The following PKIB variants were observed in gnomAD, a reference collection of about 807,000 sequenced individuals.
PKIB encodes the protein PKI-beta.
Under a neutral mutation model 4.5 loss-of-function variants are expected in PKIB, and 2 were observed. That is an observed-to-expected ratio of 0.44 (90% CI 0.18 to 1.39). PKIB has a LOEUF of 1.39. PKIB is among the 40% of genes most tolerant of loss of function. The pLI, the probability that PKIB is intolerant of heterozygous loss-of-function variation, is 0.27. For synonymous variants in PKIB, 38 were observed against 36.0 expected (o/e 1.06, Z -0.20); for missense variants, 94 against 92.6 (o/e 1.02, Z -0.06).
intron 3 of PKIB, among the ~76,000 whole-genome samples, chr6:122,677,876 TTCCTTCCTTCCTTC>T (rs1367360827): frequency 2.7e-4 from 32 of 116,388 alleles, no homozygotes; most frequent in Middle Eastern, 4.3e-3. Context: ...CCTTCCTTCC[TTCCTTCCTTCCTTC>T]CTTTCTTTCT....
At chr6:122,648,030 T>G (rs1776395191) in intron 2 of PKIB, among the ~76,000 whole-genome samples, 1 of 152,194 alleles carries the variant, frequency 6.6e-6, no homozygotes, top group Non-Finnish European at 1.5e-5. Context: ...CATCCTTACC[T>G]CCACTGCGTG....
At chr6:122,620,371 A>G (rs140299414) in intron 1 of PKIB, among the ~76,000 whole-genome samples, 63 of 152,318 alleles carry the variant, frequency 4.1e-4, no homozygotes, top group Admixed American at 1.4e-3. Context: ...AAGAGAACCT[A>G]GTTAAAGAAG....
At chr6:122,560,968 T>C (rs1242176807) in intron 2 of PKIB, among the ~76,000 whole-genome samples, 1 of 152,082 alleles carries the variant, frequency 6.6e-6, no homozygotes, top group Non-Finnish European at 1.5e-5. Flanking sequence ...GTCTATCAAT[T>C]TTATTTATCT....
chr6:122,682,418 A>T (rs1777931997), intron 3 of PKIB, among the ~76,000 whole-genome samples: 1 of 152,132 alleles, frequency 6.6e-6, no homozygotes, highest in South Asian at 2.1e-4. Context: ...CATTATCTAA[A>T]TGTACATAGA....
chr6:122,522,323 C>T (rs568968412), intron 2 of PKIB, among the ~76,000 whole-genome samples: 1 of 152,236 alleles, frequency 6.6e-6, no homozygotes, highest in Non-Finnish European at 1.5e-5. Flanking sequence ...TGGGCTCTGT[C>T]GGGGTGGGAT....
intron 2 of PKIB, among the ~76,000 whole-genome samples, chr6:122,510,401 A>G (rs1776548288): frequency 6.6e-6 from 1 of 152,212 alleles, no homozygotes; most frequent in African/African-American, 2.4e-5. Flanking sequence ...CTGAGGCAAA[A>G]CTTTTCAATG....
intron 2 of PKIB, among the ~76,000 whole-genome samples, chr6:122,540,146 A>T (rs912179831): frequency 2.0e-5 from 3 of 151,860 alleles, no homozygotes; most frequent in African/African-American, 7.3e-5. Context: ...AGGATTCATT[A>T]ATTTTTTGAA....
intron 2 of PKIB, among the ~76,000 whole-genome samples, chr6:122,523,394 T>C (rs1167763014): frequency 6.6e-6 from 1 of 152,198 alleles, no homozygotes; most frequent in Non-Finnish European, 1.5e-5. Flanking sequence ...AATCTTGTCT[T>C]GAATTCTAGT....
upstream of PKIB, among the ~76,000 whole-genome samples, chr6:122,607,854 T>C (rs1162257780): frequency 1.3e-5 from 2 of 152,192 alleles, no homozygotes; most frequent in African/African-American, 2.4e-5. Flanking sequence ...CAGTCCTTGA[T>C]CCACTTACGT....
intron 3 of PKIB, among the ~76,000 whole-genome samples, chr6:122,687,348 C>A (rs1003098078): frequency 6.6e-6 from 1 of 152,082 alleles, no homozygotes; most frequent in Non-Finnish European, 1.5e-5. Context: ...ATGCTAGTAG[C>A]CTGCTGTTTT....
intron 1 of PKIB, among the ~76,000 whole-genome samples, chr6:122,619,935 C>T (rs1346502642): frequency 6.6e-6 from 1 of 152,150 alleles, no homozygotes; most frequent in Non-Finnish European, 1.5e-5. Context: ...TTAACTTCCA[C>T]CTTTTCCCTT....
chr6:122,515,426 ATTAG>A (rs1225573697), intron 2 of PKIB, among the ~76,000 whole-genome samples: 1 of 152,174 alleles, frequency 6.6e-6, no homozygotes, highest in Admixed American at 6.5e-5. Flanking sequence ...GAAAAATTTT[ATTAG>A]TTCAGATTCA....
At chr6:122,567,105 C>G (rs1479608168) in intron 2 of PKIB, among the ~76,000 whole-genome samples, 2 of 152,196 alleles carry the variant, frequency 1.3e-5, no homozygotes, top group African/African-American at 4.8e-5. Flanking sequence ...CTGCCCTTGG[C>G]CTGCTCATAT....
At chr6:122,475,652 G>C (rs1775435740) in intron 1 of PKIB, among the ~76,000 whole-genome samples, 1 of 151,930 alleles carries the variant, frequency 6.6e-6, no homozygotes, top group African/African-American at 2.4e-5. Context: ...TCGGTGTGGT[G>C]GCATGCGTCT....
At chr6:122,607,747 G>C (rs1243743039), upstream of PKIB, among the ~76,000 whole-genome samples, 1 of 152,090 alleles carries the variant, frequency 6.6e-6, no homozygotes, top group Non-Finnish European at 1.5e-5. Context: ...CTTTGATATA[G>C]ACTGTTCATT....
At chr6:122,685,471 C>T (rs1442958480) in intron 3 of PKIB, among the ~76,000 whole-genome samples, 1 of 152,060 alleles carries the variant, frequency 6.6e-6, no homozygotes, top group Non-Finnish European at 1.5e-5. Flanking sequence ...AAAATTTCTG[C>T]TGTAACTGGG....
intron 2 of PKIB, among the ~76,000 whole-genome samples, chr6:122,583,222 T>C (rs1211372774): frequency 1.3e-5 from 2 of 152,058 alleles, no homozygotes; most frequent in Admixed American, 1.3e-4. Context: ...ATTTGCAAAA[T>C]ATATTTCAGA....
At chr6:122,508,266 G>A (rs370795482) in intron 2 of PKIB, among the ~76,000 whole-genome samples, 5 of 152,136 alleles carry the variant, frequency 3.3e-5, no homozygotes, top group South Asian at 2.1e-4. Flanking sequence ...ATTTATGGTC[G>A]CATGGACATA....
chr6:122,549,832 A>AT (rs1261129962), intron 2 of PKIB, among the ~76,000 whole-genome samples: 3 of 147,916 alleles, frequency 2.0e-5, no homozygotes, highest in Admixed American at 6.8e-5. Context: ...TATATATAAA[A>AT]TATATATGTA....
Sources: allele counts gnomAD v4.1 joint callset (sites outside exome capture counted in the v4.1 genomes callset), GRCh38; gene constraint gnomAD v4.1.1; transcripts MANE v1.5; gene names NCBI Gene and HGNC (gene_info 2026-07-23, HGNC 2026-07-21).